CBL: variants seen among roughly 807,000 people sequenced by gnomAD.
The protein encoded by CBL is Cbl proto-oncogene.
A neutral mutation model predicts 96.9 loss-of-function variants in CBL; 45 were observed. The ratio of observed to expected loss-of-function variants is 0.46; its 90% CI spans 0.37 to 0.60. The LOEUF is 0.60. Among genes scored for constraint, CBL ranks in the 20% least tolerant of loss-of-function variants. The probability of loss-of-function intolerance (pLI) is 0.00; values close to 1 mark genes in which losing one functional copy is unlikely to be tolerated. For missense variants in CBL, 1,024 were observed against 1,143.5 expected (o/e 0.90, Z 1.51); for synonymous variants, 420 against 426.8 (o/e 0.98, Z 0.20).
chr11:119,207,427 T>C (rs1182575916), intron 1 of CBL, among the ~76,000 whole-genome samples: 3 of 152,256 alleles, frequency 2.0e-5, no homozygotes, highest in Non-Finnish European at 4.4e-5. Flanking sequence ...CTGGGTTCTT[T>C]TTTTCTGGTA....
At chr11:119,225,978 C>A (rs1002388049) in intron 1 of CBL, among the ~76,000 whole-genome samples, 1 of 152,170 alleles carries the variant, frequency 6.6e-6, no homozygotes, top group Non-Finnish European at 1.5e-5. Flanking sequence ...ATCCACCTGC[C>A]TTGGCCTCCC....
rs1950012423 is a variant in CBL, at chr11:119,289,851, T to A, written c.2036+1905T>A. Reference sequence around the variant, plus strand: ...TCAACATACTGGGCTCAAGAGATCCTCCCGCCTCAGTCTCCTGAGTAACTG... The same window carrying A: ...TCAACATACTGGGCTCAAGAGATCCACCCGCCTCAGTCTCCTGAGTAACTG... On this transcript the variant is annotated intron_variant, in intron 12 of 15. Transcript: ENST00000264033. Among the ~76,000 whole-genome samples the A allele has an allele frequency of 2.0e-5, 3 of 152,198 alleles. No homozygotes were observed. The South Asian group carries it at 6.2e-4, about 32-fold the overall frequency.
chr11:119,278,503 T>C lies in CBL; in HGVS notation c.1228-7T>C. ...GCATCTGTTACTATCTTTTGCTTCTTCTGCAGGAATCAGAAGGTCAGGGCT... is the reference window on the plus strand; with the variant it reads ...GCATCTGTTACTATCTTTTGCTTCTCCTGCAGGAATCAGAAGGTCAGGGCT... On this transcript the variant is annotated splice_polypyrimidine_tract_variant and splice_region_variant and intron_variant, in intron 8 of 15. Coordinates refer to ENST00000264033, the MANE Select transcript of CBL (RefSeq NM_005188.4). 6.2e-7 allele frequency: 1 copy of C among 1,613,300 alleles called. No individual in the cohort carries two copies. The highest frequency in any genetic ancestry group is 8.5e-7 in the Non-Finnish European group (1 of 1,179,174).
In CBL at chr11:119,248,845, A is replaced by G. The variant is rs73003022; in HGVS notation, c.443+16150A>G. 1.6e-3 allele frequency among the ~76,000 whole-genome samples: 243 copies of G among 152,346 alleles called. 1 individual carries two copies. Among genetic ancestry groups the G allele is most frequent in the Non-Finnish European group, 2.5e-3 (171 of 68,038 alleles). ...TTTTGAATAGATTTTTCTTCAGAGA[A>G]GATATACAGCTGTCCAATAAGCTCA... On this transcript the variant is annotated intron_variant, in intron 2 of 15. Transcript: ENST00000264033.
chr11:119,217,962 AG>A (rs1054897266), intron 1 of CBL, among the ~76,000 whole-genome samples: 5 of 152,222 alleles, frequency 3.3e-5, no homozygotes, highest in African/African-American at 1.2e-4. Context: ...CTTTAGTCCC[AG>A]ATACTCAGGA....
Position 119,262,957 on chromosome 11 carries a change from T to C in CBL, c.444-8778T>C, listed in dbSNP as rs113760849. On this transcript the variant is annotated intron_variant, in intron 2 of 15. Transcript: ENST00000264033. ...AATTTCATAGACCTATGCTGCCCCT[T>C]ACTAGCTTTGTGACCTTGCAAATTA... Among the ~76,000 whole-genome samples the C allele has an allele frequency of 4.9e-3, 752 of 152,356 alleles. 2 individuals carry two copies. Among genetic ancestry groups the C allele is most frequent in the Non-Finnish European group, 8.1e-3 (552 of 68,024 alleles).
chr11:119,218,575 C>T (rs951902177), intron 1 of CBL, among the ~76,000 whole-genome samples: 10 of 152,148 alleles, frequency 6.6e-5, no homozygotes, highest in South Asian at 6.2e-4. Flanking sequence ...TGCAATCTTA[C>T]GCTGCTTCTG....
chr11:119,231,832 A>T (rs1949503850), intron 1 of CBL, among the ~76,000 whole-genome samples: 1 of 151,066 alleles, frequency 6.6e-6, no homozygotes, highest in Admixed American at 6.6e-5. Context: ...GTCAGGCTGG[A>T]CACAGTGGCT....
chr11:119,297,548 C>G (rs1275163383), intron 14 of CBL, 67 bp downstream of exon 14: 9 of 1,186,408 alleles, frequency 7.6e-6, no homozygotes, highest in African/African-American at 1.5e-5. Flanking sequence ...TAATATTTGG[C>G]AATTGAGATA....
In CBL at chr11:119,264,283, C is replaced by A. The variant is rs541904913; in HGVS notation, c.444-7452C>A. On this transcript the variant is annotated intron_variant, in intron 2 of 15. Transcript: ENST00000264033. ...ATGTTGCCCAGGCTGGTACGAAACT[C>A]CTGGCCTTCAGCCATCCTCCCATCT... Among the ~76,000 whole-genome samples the A allele has an allele frequency of 3.6e-4, 54 of 150,258 alleles. 1 individual carries two copies. The East Asian group carries it at 0.011, about 30-fold the overall frequency.
At chr11:119,211,041 AC>A (rs1047460882) in intron 1 of CBL, among the ~76,000 whole-genome samples, 2 of 152,136 alleles carry the variant, frequency 1.3e-5, no homozygotes, top group African/African-American at 4.8e-5. Context: ...TACAAAATAC[AC>A]TGTAGTAAAA....
chr11:119,279,879 A>C (rs1330344391), intron 9 of CBL, among the ~76,000 whole-genome samples: 1 of 152,230 alleles, frequency 6.6e-6, no homozygotes, highest in African/African-American at 2.4e-5. Context: ...TGAGTGCTAT[A>C]TGGGATAAGA....
At chr11:119,250,776 C>T (rs11217216) in intron 2 of CBL, among the ~76,000 whole-genome samples, 7,163 of 152,048 alleles carry the variant, frequency 0.047, 562 homozygotes, top group African/African-American at 0.16. Flanking sequence ...CATGGTAAAA[C>T]CCCGTCTCTA....
chr11:119,244,998 A>G (rs539339769), intron 2 of CBL, among the ~76,000 whole-genome samples: 6 of 152,168 alleles, frequency 3.9e-5, no homozygotes, highest in African/African-American at 1.2e-4. Flanking sequence ...ACACACCCCA[A>G]GTAGCTGGGA....
Sources: gnomAD v4.1 joint callset for allele counts (sites outside exome capture counted in the v4.1 genomes callset) on GRCh38, gnomAD v4.1.1 for gene constraint, MANE v1.5 for transcripts, NCBI Gene and HGNC (gene_info 2026-07-23, HGNC 2026-07-21) for gene names.